Variants in TRIM29 observed in about 807,000 individuals in gnomAD.
TRIM29 encodes the protein tripartite motif-containing protein 29.
TRIM29 carries 52 observed loss-of-function variants against 57.3 expected under a neutral mutation model. That is an observed-to-expected ratio of 0.91 (90% confidence interval 0.73 to 1.14). The LOEUF is 1.14. Among genes scored for constraint, TRIM29 ranks in the 50% most tolerant of loss-of-function variants. The pLI is 0.00. For missense variants in TRIM29, 753 were observed against 774.6 expected (o/e 0.97, Z 0.33); for synonymous variants, 319 against 316.9 (o/e 1.01, Z -0.07).
At chr11:120,120,447 C>T in intron 6 of TRIM29, 126 bp downstream of exon 6, 1 of 865,234 alleles carries the variant, frequency 1.2e-6, no homozygotes. Context: ...CTCCACCCAT[C>T]CTAGCTTCCC....
intron 8 of TRIM29, chr11:120,113,422 G>A (rs1411787331): frequency 6.4e-6 from 2 of 312,538 alleles, no homozygotes; most frequent in East Asian, 1.6e-4. Context: ...AGCACCATCA[G>A]CCCCCGGGGG....
intron 5 of TRIM29, 59 bp from the exon 6 acceptor site, chr11:120,120,724 C>T (rs924175619): frequency 1.3e-6 from 2 of 1,549,540 alleles, no homozygotes; most frequent in African/African-American, 1.4e-5. Flanking sequence ...GGACTCCTTG[C>T]CCCCAAAAAG....
chr11:120,124,468 T>A (rs1863536908), intron 4 of TRIM29: 1 of 152,394 alleles, frequency 6.6e-6, no homozygotes, highest in Non-Finnish European at 1.5e-5. Flanking sequence ...CCGTACCCCC[T>A]ACCGAGCAGT....
chr11:120,136,285 C>A (rs1333246197), intron 1 of TRIM29, among the ~76,000 whole-genome samples: 1 of 152,212 alleles, frequency 6.6e-6, no homozygotes, highest in Non-Finnish European at 1.5e-5. Context: ...AGCATCATAG[C>A]TTAACCTAGC....
rs748685851 is a variant in TRIM29, at chr11:120,137,649, C to T, written c.383G>A (p.Arg128His). Residue 128 changes from arginine (R) to histidine (H), a missense_variant, in exon 1 of 9, where the codon CGC (arginine) becomes CAC (histidine). Physicochemically the swap from Arg to His is conservative, Grantham distance 29. Coordinates refer to ENST00000341846, the MANE Select transcript of TRIM29 (RefSeq NM_012101.4). The surrounding 1 kb of genome is among the most constrained non-coding windows in gnomAD (Gnocchi z 6.2). ...PVTFAEKGEL[R>H]KSIFSESRKP... Reference sequence around the variant, plus strand: ...CCGGGACTCCGAGAAAATGGACTTGCGCAGCTCGCCCTTTTCGGCAAAGGT... The same window carrying T: ...CCGGGACTCCGAGAAAATGGACTTGTGCAGCTCGCCCTTTTCGGCAAAGGT... 1.2e-6 allele frequency: 2 copies of T among 1,613,670 alleles called. No individual in the cohort carries two copies. The highest frequency in any genetic ancestry group is 1.1e-5 in the South Asian group (1 of 91,060).
Position 120,118,208 on chromosome 11 carries a change from G to T in TRIM29, c.1627+15C>A. ...AGCTGTGGAGGAAAGCAGGGGCCAGGGTGGGCAAGCTCACCTTTCAGGGAG... is the reference window on the plus strand; with the variant it reads ...AGCTGTGGAGGAAAGCAGGGGCCAGTGTGGGCAAGCTCACCTTTCAGGGAG... On this transcript the variant is annotated intron_variant, in intron 7 of 8. Coordinates refer to ENST00000341846, the MANE Select transcript of TRIM29 (RefSeq NM_012101.4). The T allele has an allele frequency of 1.9e-6, 3 of 1,612,290 alleles. No individual in the cohort carries two copies. Among genetic ancestry groups the T allele is most frequent in the Non-Finnish European group, 2.5e-6 (3 of 1,178,638 alleles).
In TRIM29 at chr11:120,137,147, C is replaced by T; in HGVS notation, c.804+81G>A. 1.3e-6 allele frequency: 2 copies of T among 1,502,618 alleles called. No individual in the cohort carries two copies. The highest frequency in any genetic ancestry group is 1.8e-5 in the Admixed American group (1 of 54,436). The allele number at this position is 1,502,618 out of a possible 1,614,324, so 93.1% of individuals were successfully genotyped here. On this transcript the variant is annotated intron_variant, in intron 1 of 8. Coordinates refer to ENST00000341846, the MANE Select transcript of TRIM29 (RefSeq NM_012101.4). This position sits in a 1 kb window ranked among gnomAD's most constrained non-coding sequence, Gnocchi z 6.2. Reference sequence around the variant, plus strand: ...AACTTAAGCCCCAAACCCGAGGAAGCCCGAGTGGAGAAGATGAAGTTCGGA... The same window carrying T: ...AACTTAAGCCCCAAACCCGAGGAAGTCCGAGTGGAGAAGATGAAGTTCGGA...
At chr11:120,123,163 T>C (rs1482595692) in intron 4 of TRIM29, 108 bp from the exon 5 acceptor site, 1 of 887,674 alleles carries the variant, frequency 1.1e-6, no homozygotes, top group Non-Finnish European at 1.9e-6. Context: ...TTCCCCTATC[T>C]CCCAGGCAGA....
intron 1 of TRIM29, among the ~76,000 whole-genome samples, chr11:120,132,381 T>A (rs1265249925): frequency 6.6e-6 from 1 of 151,976 alleles, no homozygotes; most frequent in Non-Finnish European, 1.5e-5. Flanking sequence ...CTTCCTACTC[T>A]CCGCTTCATT....
At chr11:120,126,928 A>T (rs886954642) in intron 3 of TRIM29, among the ~76,000 whole-genome samples, 32 of 152,192 alleles carry the variant, frequency 2.1e-4, no homozygotes, top group African/African-American at 6.3e-4. Context: ...AAAACACTCT[A>T]GCAGATGGAA....
At position 120,112,536 on chromosome 11, in the gene TRIM29, C is replaced by T; in HGVS notation, c.1705-60G>A. On this transcript the variant is annotated intron_variant, in intron 8 of 8. Coordinates refer to ENST00000341846, the MANE Select transcript of TRIM29 (RefSeq NM_012101.4). Reference sequence around the variant, plus strand: ...ACGACAGATGAGCCTGCTAGCTAGACCCACCCTACCCTAACCTGCCTCAGG... The same window carrying T: ...ACGACAGATGAGCCTGCTAGCTAGATCCACCCTACCCTAACCTGCCTCAGG... The T allele has an allele frequency of 2.5e-6, 4 of 1,577,156 alleles. No individual in the cohort carries two copies. In the South Asian group the frequency reaches 3.3e-5, roughly 13 times the overall value.
intron 1 of TRIM29, among the ~76,000 whole-genome samples, chr11:120,130,804 G>A (rs1863707276): frequency 6.6e-6 from 1 of 152,210 alleles, no homozygotes; most frequent in Non-Finnish European, 1.5e-5. Context: ...GTGCAGCATG[G>A]TGGGCAGGTG....
rs1863239315 is a variant in TRIM29, at chr11:120,115,340, G to A, written c.1702C>T (p.Leu568=). The change falls in exon 8 of 9, where the codon CTG becomes TTG. Residue 568 remains leucine, a splice_region_variant and synonymous_variant. Transcript: ENST00000341846. The part of the protein sequence containing the change: ...QTWKSGKQTM[L]SHYRPFYVNK... ...CCTCCCGGCAGCACTTCCCTTACCA[G>A]CATAGTCTGCTTGCCAGATTTCCAA... 1.2e-6 allele frequency: 2 copies of A among 1,613,060 alleles called. No individual in the cohort carries two copies. Among genetic ancestry groups the A allele is most frequent in the Admixed American group, 1.7e-5 (1 of 59,892 alleles).
chr11:120,117,166 C>A (rs1209729403), intron 7 of TRIM29: 1 of 253,114 alleles, frequency 4.0e-6, no homozygotes, highest in African/African-American at 2.3e-5. Context: ...AGAGCGGCCA[C>A]CTCCCCTGCC....
intron 8 of TRIM29, among the ~76,000 whole-genome samples, chr11:120,113,091 T>C (rs530792): frequency 0.85 from 129,464 of 152,080 alleles, 55,241 homozygotes; most frequent in African/African-American, 0.9. Flanking sequence ...GGATTTTCTT[T>C]GCCTCTCTCT....
At position 120,115,424 on chromosome 11, in the gene TRIM29, CAA is replaced by C. The variant is rs772171996; in HGVS notation, c.1628-12_1628-11del. 3.0e-5 allele frequency: 49 copies of C among 1,612,342 alleles called. No individual in the cohort carries two copies. Among genetic ancestry groups the C allele is most frequent in the Non-Finnish European group, 4.2e-5 (49 of 1,179,252 alleles). On this transcript the variant is annotated splice_polypyrimidine_tract_variant and intron_variant, in intron 7 of 8. Transcript: ENST00000341846. Reference sequence around the variant, plus strand: ...ATGAGGGAGGGATAGCCTGGGAAGACAAGAGATTCAGGTCAAAGGGAGCAGCG... The same window carrying C: ...ATGAGGGAGGGATAGCCTGGGAAGACGAGATTCAGGTCAAAGGGAGCAGCG...
At chr11:120,128,187 G>A (rs1863637884) in intron 2 of TRIM29, among the ~76,000 whole-genome samples, 3 of 152,166 alleles carry the variant, frequency 2.0e-5, no homozygotes, top group African/African-American at 7.2e-5. Context: ...AATATGAAAT[G>A]GGCATTAGGT....
At chr11:120,131,499 G>A (rs1344984764) in intron 1 of TRIM29, among the ~76,000 whole-genome samples, 1 of 152,126 alleles carries the variant, frequency 6.6e-6, no homozygotes, top group Non-Finnish European at 1.5e-5. Context: ...GTGGGCAGAA[G>A]AGTCGGTCAG....
At chr11:120,123,288 C>A in intron 4 of TRIM29, 1 of 680,044 alleles carries the variant, frequency 1.5e-6, no homozygotes, top group East Asian at 2.8e-5. Flanking sequence ...TTGAACTAAG[C>A]CCTTGTAAAT....
Sources: gnomAD v4.1 joint callset for allele counts (sites outside exome capture counted in the v4.1 genomes callset) on GRCh38, gnomAD v4.1.1 for gene constraint, Gnocchi (gnomAD v3.1) non-coding constraint, MANE v1.5 for transcripts, NCBI Gene and HGNC (gene_info 2026-07-23, HGNC 2026-07-21) for gene names.